TPPP2: variants seen among roughly 807,000 people sequenced by gnomAD.
The protein encoded by TPPP2 is tubulin polymerization promoting protein family member 2, also known as tubulin polymerization-promoting protein family member 2.
Under a neutral mutation model 13.0 loss-of-function variants are expected in TPPP2, and 8 were observed. The observed-to-expected ratio is 0.62, with a 90% CI of 0.36 to 1.11. The LOEUF (loss-of-function observed/expected upper bound fraction) is 1.11, where lower values mean the gene tolerates loss of function less well. Ranked by LOEUF, TPPP2 falls within the 50% of genes most tolerant of loss-of-function variation. The pLI, the probability that TPPP2 is intolerant of heterozygous loss-of-function variation, is 0.02. For missense variants in TPPP2, 213 were observed against 216.9 expected (o/e 0.98, Z 0.11); for synonymous variants, 81 against 81.8 (o/e 0.99, Z 0.05).
At chr14:21,025,218 G>T, upstream of TPPP2, 1 of 849,730 alleles carries the variant, frequency 1.2e-6, no homozygotes, top group Non-Finnish European at 1.4e-6. The surrounding 1 kb of genome is among the most constrained non-coding windows in gnomAD (Gnocchi z 5.1). Context: ...GCTCAGGAAA[G>T]GGTTGTGCTG....
chr14:21,025,323 T>G, upstream of TPPP2: 1 of 962,228 alleles, frequency 1.0e-6, no homozygotes, highest in Non-Finnish European at 1.2e-6. The surrounding 1 kb of genome is among the most constrained non-coding windows in gnomAD (Gnocchi z 5.1). Context: ...TGGGGCGGTG[T>G]GGGGAGTGCG....
upstream of TPPP2, among the ~76,000 whole-genome samples, chr14:21,026,423 TGA>T (rs548167271): frequency 2.7e-3 from 404 of 151,322 alleles, 3 homozygotes; most frequent in Admixed American, 0.01. Flanking sequence ...CAATGGAACT[TGA>T]GCTGCCAACT....
Position 21,030,771 on chromosome 14 carries a change from A to G in TPPP2, c.173+17A>G. ...CAAAGTCAAGTGAGGAGCCAAAAAT[A>G]TGGAGGTGGGGGTGAGAAGAACCTG... On this transcript the variant is annotated intron_variant, in intron 2 of 3. Coordinates refer to ENST00000321760, the MANE Select transcript of TPPP2 (RefSeq NM_173846.5). 1 of 1,612,124 alleles carries G rather than the reference A, an allele frequency of 6.2e-7. No individual in the cohort carries two copies. Among genetic ancestry groups the G allele is most frequent in the South Asian group, 1.1e-5 (1 of 90,844 alleles).
At chr14:21,030,072 T>G (rs1025142129), upstream of TPPP2, 5 of 153,254 alleles carry the variant, frequency 3.3e-5, no homozygotes, top group Admixed American at 2.6e-4. Flanking sequence ...GTCAGAAAGT[T>G]GGCAGTTTGC....
downstream of TPPP2, chr14:21,033,287 G>T: frequency 3.2e-6 from 1 of 315,790 alleles, no homozygotes; most frequent in Non-Finnish European, 6.1e-6. Context: ...GAAACTGGGG[G>T]TTGTGGGGAA....
At position 21,025,074 on chromosome 14, in the gene TPPP2, G is replaced by C; in HGVS notation, n.236+730G>C. ...TCCACCTTCACTTGCCTTTGACTCG[G>C]GCCCGCCCCGGCTCGGGCTTCCCGC... is the stretch of plus-strand genomic sequence containing the variant. On this transcript the variant is annotated intron_variant and non_coding_transcript_variant, in intron 1 of 1. Coordinates refer to the TPPP2 transcript ENST00000533755. This position sits in a 1 kb window ranked among gnomAD's most constrained non-coding sequence, Gnocchi z 5.1. 2.0e-6 allele frequency: 2 copies of C among 986,028 alleles called. No homozygotes were observed. The highest frequency in any genetic ancestry group is 1.2e-6 in the Non-Finnish European group (1 of 830,620). 61.1% of individuals were successfully genotyped at this position (986,028 alleles called of 1,614,324 possible).
upstream of TPPP2, chr14:21,025,780 T>A: frequency 1.8e-5 from 13 of 717,262 alleles, no homozygotes; most frequent in African/African-American, 5.4e-5. This position sits in a 1 kb window ranked among gnomAD's most constrained non-coding sequence, Gnocchi z 5.1. Flanking sequence ...GGGGCCGCTA[T>A]AAATAGAGGG....
Position 21,030,557 on chromosome 14 carries a change from T to C in TPPP2, c.-25T>C, listed in dbSNP as rs1386685176. ...TTCACCCCCAAGTGTCTCCCACGAC[T>C]GCCCTCCCCGACCTCTAGCTGACCA... On this transcript the variant is annotated 5_prime_UTR_variant, in exon 2 of 4. Transcript: ENST00000321760. 1 of 1,609,990 alleles carries C rather than the reference T, an allele frequency of 6.2e-7. No individual in the cohort carries two copies. The highest frequency in any genetic ancestry group is 8.5e-7 in the Non-Finnish European group (1 of 1,177,962).
downstream of TPPP2, chr14:21,033,758 G>T (rs1455298632): frequency 2.7e-6 from 3 of 1,115,680 alleles, no homozygotes; most frequent in Non-Finnish European, 4.1e-6. Context: ...ACAGGGATCA[G>T]AGTGTTGGAA....
chr14:21,031,268 C>T (rs75127364), intron 3 of TPPP2, 103 bp downstream of exon 3: 9 of 1,433,236 alleles, frequency 6.3e-6, no homozygotes, highest in East Asian at 4.7e-5. Flanking sequence ...GAGACAGGGC[C>T]GAAACAGACT....
downstream of TPPP2, chr14:21,033,911 A>G: frequency 6.2e-7 from 1 of 1,613,972 alleles, no homozygotes; most frequent in Non-Finnish European, 8.5e-7. Flanking sequence ...TTAGGGTGCT[A>G]TTGTAGTAGC....
upstream of TPPP2, among the ~76,000 whole-genome samples, chr14:21,026,841 T>G (rs1489570220): frequency 2.0e-5 from 3 of 151,976 alleles, no homozygotes; most frequent in African/African-American, 7.3e-5. Flanking sequence ...TTTAACACTC[T>G]CCTGGACAAG....
rs754352033 is a variant in TPPP2 at position 21,030,525 on chromosome 14, C to T, written c.-57C>T. On this transcript the variant is annotated 5_prime_UTR_variant, in exon 2 of 4. Coordinates refer to ENST00000321760, the MANE Select transcript of TPPP2 (RefSeq NM_173846.5). ...CATTACTCCACAGTCCTCCCTCCCC[C>T]TTCTCCTTCACCCCCAAGTGTCTCC... The T allele has an allele frequency of 1.7e-4, 266 of 1,566,532 alleles. No individual in the cohort carries two copies. Among genetic ancestry groups the T allele is most frequent in the Non-Finnish European group, 2.3e-4 (264 of 1,150,838 alleles).
downstream of TPPP2, chr14:21,033,929 G>A (rs1884430440): frequency 6.2e-7 from 1 of 1,613,948 alleles, no homozygotes; most frequent in Non-Finnish European, 8.5e-7. Flanking sequence ...AGCAGCTAGT[G>A]GGTGGCTGTT....
At position 21,031,961 on chromosome 14, in the gene TPPP2, C is replaced by A. The variant is rs369062428; in HGVS notation, c.397C>A (p.Arg133Ser). The A allele has an allele frequency of 5.6e-6, 9 of 1,614,134 alleles. No individual in the cohort carries two copies. Among genetic ancestry groups the A allele is most frequent in the East Asian group, 2.2e-5 (1 of 44,872 alleles). ...CAAGTACACCGGCACCCACAAGGAG[C>A]GCTTTGATGAGAGTGGCAAGGGCAA... is the stretch of plus-strand genomic sequence containing the variant. The part of the protein sequence containing the change: ...TSKYTGTHKE[R>S]FDESGKGKGI... The change falls in exon 4 of 4, where the codon CGC becomes AGC. Residue 133 changes from arginine (R) to serine (S), a missense_variant. By Grantham distance (110) the Arg-to-Ser change is moderately radical (BLOSUM62 -1). Coordinates refer to ENST00000321760, the MANE Select transcript of TPPP2 (RefSeq NM_173846.5).
chr14:21,033,133 AAAAG>A (rs1427445298), downstream of TPPP2: 1 of 382,016 alleles, frequency 2.6e-6, no homozygotes, highest in Non-Finnish European at 5.1e-6. Flanking sequence ...GACTGGAAGA[AAAAG>A]AGGTTGGAAA....
downstream of TPPP2, chr14:21,033,985 G>C (rs533949543): frequency 8.1e-6 from 13 of 1,613,968 alleles, no homozygotes; most frequent in Non-Finnish European, 1.1e-5. Context: ...TCCTGGGTGA[G>C]TGTGCAGTAT....
downstream of TPPP2, chr14:21,034,400 T>A (rs570552859): frequency 1.3e-6 from 1 of 773,108 alleles, no homozygotes; most frequent in East Asian, 2.7e-5. Context: ...TTAGAGATCA[T>A]CTCACCCATA....
Position 21,031,025 on chromosome 14 carries a change from C to T in TPPP2, c.187C>T (p.Arg63Ter), listed in dbSNP as rs766822360. ...CTAACTGACCAGGGCCAAGAACGCC[C>T]GAACCATCACGTTTCAACAGTTCAA... ...VFSKVKAKNA[R>*]TITFQQFKEA... Residue 63 changes from arginine to a stop codon, truncating the protein, a stop_gained, in exon 3 of 4, where the codon CGA (arginine) becomes TGA (stop). Transcript: ENST00000321760. LOFTEE classifies it high-confidence loss of function. The T allele has an allele frequency of 4.2e-5, 68 of 1,609,676 alleles. No homozygotes were observed. The East Asian group carries it at 4.2e-4, about 10-fold the overall frequency.
Sources: gnomAD v4.1 joint callset for allele counts (sites outside exome capture counted in the v4.1 genomes callset) on GRCh38, gnomAD v4.1.1 for gene constraint, Gnocchi (gnomAD v3.1) non-coding constraint, MANE v1.5 for transcripts, NCBI Gene and HGNC (gene_info 2026-07-23, HGNC 2026-07-21) for gene names.